The following DPP6 variants were observed in gnomAD, a reference collection of about 807,000 sequenced individuals.
DPP6 encodes the protein A-type potassium channel modulatory protein DPP6.
A neutral mutation model predicts 122.6 loss-of-function variants in DPP6; 69 were observed. That is an observed-to-expected ratio of 0.56 (90% CI 0.46 to 0.69). The LOEUF (loss-of-function observed/expected upper bound fraction) is 0.69, where lower values mean the gene tolerates loss of function less well. Ranked by LOEUF, DPP6 falls within the 30% of genes least tolerant of loss-of-function variation. The probability of loss-of-function intolerance (pLI) is 0.00; values close to 1 mark genes in which losing one functional copy is unlikely to be tolerated. For missense variants in DPP6, 928 were observed against 1,116.9 expected (o/e 0.83, Z 2.41); for synonymous variants, 418 against 433.1 (o/e 0.97, Z 0.43).
chr7:154,373,321 A>G (rs1812835604), intron 1 of DPP6, among the ~76,000 whole-genome samples: 1 of 152,162 alleles, frequency 6.6e-6, no homozygotes, highest in Non-Finnish European at 1.5e-5. Context: ...ATTCTATTTT[A>G]TTCTTTTTTT....
At chr7:154,798,087 A>G (rs1021356490) in intron 12 of DPP6, among the ~76,000 whole-genome samples, 2 of 152,216 alleles carry the variant, frequency 1.3e-5, no homozygotes, top group African/African-American at 4.8e-5. Flanking sequence ...GCTATGGGAA[A>G]GCAAGGTGGA....
chr7:154,196,683 C>T (rs1798885762), intron 1 of DPP6, among the ~76,000 whole-genome samples: 1 of 152,156 alleles, frequency 6.6e-6, no homozygotes, highest in South Asian at 2.1e-4. Flanking sequence ...CCAGTTGCCC[C>T]AAAGGCATTT....
At position 154,005,759 on chromosome 7, in the gene DPP6, A is replaced by G. The variant is rs192932757; in HGVS notation, c.51+118025A>G. 5.0e-3 allele frequency among the ~76,000 whole-genome samples: 743 copies of G among 147,938 alleles called. 2 individuals carry two copies. The highest frequency in any genetic ancestry group is 0.013 in the African/African-American group (499 of 37,984). On this transcript the variant is annotated intron_variant, in intron 1 of 25. Transcript: ENST00000404039. ...GGAGGTGTGACCCACCCCAGGGAAT[A>G]GGAGGAGAGAAGTGGGTAGGGTTTT...
At chr7:154,159,773 A>C (rs3111943) in intron 1 of DPP6, among the ~76,000 whole-genome samples, 1 of 152,048 alleles carries the variant, frequency 6.6e-6, no homozygotes, top group Non-Finnish European at 1.5e-5. Context: ...TGATCTTCCC[A>C]ACAGCACTAT....
At chr7:154,764,236 G>T (rs552218993) in intron 8 of DPP6, among the ~76,000 whole-genome samples, 73 of 152,200 alleles carry the variant, frequency 4.8e-4, no homozygotes, top group South Asian at 8.3e-4. Flanking sequence ...GACCACTCTC[G>T]CTCGGTGGAT....
At chr7:154,307,492 C>G (rs937605078) in intron 1 of DPP6, among the ~76,000 whole-genome samples, 2 of 152,162 alleles carry the variant, frequency 1.3e-5, no homozygotes, top group East Asian at 3.9e-4. Flanking sequence ...GCCCCCACCC[C>G]CACCATGAAG....
rs376879394 is a variant in DPP6, at chr7:154,202,885, A to T, written c.243+149822A>T. On this transcript the variant is annotated intron_variant, in intron 1 of 25. Coordinates refer to ENST00000377770, the MANE Select transcript of DPP6 (RefSeq NM_130797.4). Reference sequence around the variant, plus strand: ...ATATTAGGCCTTTAATTTTTTTCCAAATGTCAGCTAACAGGCACAGGCATG... The same window carrying T: ...ATATTAGGCCTTTAATTTTTTTCCATATGTCAGCTAACAGGCACAGGCATG... 4.6e-5 allele frequency among the ~76,000 whole-genome samples: 7 copies of T among 152,270 alleles called. No homozygotes were observed. In the East Asian group the frequency reaches 1.2e-3, roughly 25 times the overall value.
chr7:154,503,328 A>G (rs937078502), intron 3 of DPP6, among the ~76,000 whole-genome samples: 1 of 152,208 alleles, frequency 6.6e-6, no homozygotes, highest in African/African-American at 2.4e-5. Flanking sequence ...TCCAAAGAGC[A>G]TGTGGTTTGA....
At chr7:154,669,117 A>G (rs1436963909) in intron 6 of DPP6, among the ~76,000 whole-genome samples, 2 of 152,206 alleles carry the variant, frequency 1.3e-5, no homozygotes, top group Non-Finnish European at 2.9e-5. Context: ...CTTAATGAGT[A>G]TTTACTATTT....
chr7:154,373,946 A>C (rs1267883166), intron 1 of DPP6, among the ~76,000 whole-genome samples: 1 of 152,162 alleles, frequency 6.6e-6, no homozygotes, highest in Non-Finnish European at 1.5e-5. Context: ...CCATAGGTTC[A>C]TCCTTGTTGT....
At chr7:153,842,298 G>C in the DPP6 span, among the ~76,000 whole-genome samples, 1 of 152,054 alleles carries the variant, frequency 6.6e-6, no homozygotes, top group South Asian at 2.1e-4. Context: ...ATTATATATT[G>C]TTTAGTTGTA....
Position 154,475,046 on chromosome 7 carries a change from A to C in DPP6, c.457+9A>C, listed in dbSNP as rs370973628. On this transcript the variant is annotated intron_variant, in intron 3 of 25. Transcript: ENST00000377770. ...GGCTAAGTGGATAAGTGGTGAGTCC[A>C]GGTCCTTCGTGCACAAGACATCGCT... The C allele has an allele frequency of 1.9e-6, 3 of 1,605,900 alleles. No homozygotes were observed. The African/African-American group carries it at 4.0e-5, about 22-fold the overall frequency.
intron 9 of DPP6, among the ~76,000 whole-genome samples, chr7:154,771,147 A>C (rs1237791395): frequency 3.3e-5 from 5 of 152,234 alleles, no homozygotes. Context: ...GTTTGCAGCA[A>C]GAGGAGTGAT....
At chr7:153,787,580 C>T in the DPP6 span, among the ~76,000 whole-genome samples, 8 of 124,604 alleles carry the variant, frequency 6.4e-5, 1 homozygote, top group South Asian at 2.5e-3. Flanking sequence ...GTCTGGGCAA[C>T]ATAGCGAGAT....
In DPP6 at chr7:154,727,861, A is replaced by G. The variant is rs1333775979; in HGVS notation, c.857A>G (p.Asn286Ser). 20 of 1,613,640 alleles carry G rather than the reference A, an allele frequency of 1.2e-5. No individual in the cohort carries two copies. Among genetic ancestry groups the G allele is most frequent in the Admixed American group, 5.0e-5 (3 of 59,990 alleles). ...ACTGGCAAGGAAGGTGTGATTTACA[A>G]TGGCCTCAGTGACTGGCTGTATGAA... ...VSTGKEGVIY[N>S]GLSDWLYEEE... Residue 286 changes from asparagine to serine, a missense_variant, in exon 8 of 26, where the codon AAT (asparagine) becomes AGT (serine). Physicochemically the swap from Asn to Ser is conservative, Grantham distance 46 (BLOSUM62 1). Coordinates refer to ENST00000377770, the MANE Select transcript of DPP6 (RefSeq NM_130797.4).
intron 1 of DPP6, among the ~76,000 whole-genome samples, chr7:154,365,065 A>G (rs1187588021): frequency 1.3e-5 from 2 of 152,202 alleles, no homozygotes; most frequent in African/African-American, 2.4e-5. Context: ...AACTGGCTCA[A>G]CTGGACTCAG....
intron 1 of DPP6, among the ~76,000 whole-genome samples, chr7:154,215,012 G>A (rs573148342): frequency 1.5e-4 from 23 of 152,254 alleles, no homozygotes; most frequent in African/African-American, 5.5e-4. Context: ...CCCCCCGGTT[G>A]CCTTTCCACT....
intron 1 of DPP6, among the ~76,000 whole-genome samples, chr7:154,298,710 C>T (rs897878447): frequency 6.6e-6 from 1 of 152,190 alleles, no homozygotes; most frequent in African/African-American, 2.4e-5. Flanking sequence ...AGCCAACCCT[C>T]ACCGTCCATA....
chr7:154,692,507 ATCC>A (rs1398056788), intron 7 of DPP6, among the ~76,000 whole-genome samples: 1 of 152,104 alleles, frequency 6.6e-6, no homozygotes. Flanking sequence ...TTCAAATTGT[ATCC>A]TCATGTGCAT....
Sources: gnomAD v4.1 joint callset for allele counts (sites outside exome capture counted in the v4.1 genomes callset) on GRCh38, gnomAD v4.1.1 for gene constraint, MANE v1.5 for transcripts, NCBI Gene and HGNC (gene_info 2026-07-23, HGNC 2026-07-21) for gene names.